Variants in MALRD1 observed in about 807,000 individuals in gnomAD.
MALRD1 encodes MAM and LDL receptor class A domain containing 1, also known as MAM and LDL-receptor class A domain-containing protein 1.
A neutral mutation model predicts 242.1 loss-of-function variants in MALRD1; 247 were observed. The ratio of observed to expected loss-of-function variants is 1.02; its 90% confidence interval spans 0.92 to 1.13. MALRD1 has a LOEUF of 1.13. MALRD1 is among the 50% of genes most tolerant of loss of function. MALRD1 has a pLI of 0.00. For missense variants in MALRD1, 2,989 were observed against 2,533.1 expected, an observed-to-expected ratio of 1.18 and a Z score of -3.86; for synonymous variants, 995 against 866.6, an observed-to-expected ratio of 1.15 and a Z score of -2.60.
At position 19,386,721 on chromosome 10, in the gene MALRD1, TACACACAC is replaced by T. The variant is rs10687440; in HGVS notation, c.4442-793_4442-786del. ...ATACACACACAAATACATATACATA[TACACACAC>T]ACACACACACACAATACTCTTTTAA... On this transcript the variant is annotated intron_variant, in intron 26 of 39. Coordinates refer to ENST00000454679, the MANE Select transcript of MALRD1 (RefSeq NM_001142308.3). Among the ~76,000 whole-genome samples the T allele has an allele frequency of 4.7e-5, 7 of 149,010 alleles. No homozygotes were observed. The South Asian group carries it at 1.3e-3, about 27-fold the overall frequency.
intron 28 of MALRD1, among the ~76,000 whole-genome samples, chr10:19,417,458 T>G (rs1589045569): frequency 6.6e-6 from 1 of 152,284 alleles, no homozygotes; most frequent in East Asian, 1.9e-4. Flanking sequence ...TTATGACATA[T>G]ACCAGGAGAG....
intron 14 of MALRD1, among the ~76,000 whole-genome samples, chr10:19,198,525 G>A (rs1331412527): frequency 6.6e-6 from 1 of 152,078 alleles, no homozygotes. Flanking sequence ...TGTTGTAGAG[G>A]GAGTCACTAT....
At chr10:19,694,677 G>T (rs899724370) in intron 38 of MALRD1, among the ~76,000 whole-genome samples, 2 of 152,166 alleles carry the variant, frequency 1.3e-5, no homozygotes, top group African/African-American at 4.8e-5. Context: ...ATTCCTGAAG[G>T]ATCTAGAACT....
chr10:19,734,216 C>A lies in MALRD1; in HGVS notation c.6450C>A (p.Thr2150=), dbSNP rs1335701247. 1 of 1,535,660 alleles carries A rather than the reference C, an allele frequency of 6.5e-7. No individual in the cohort carries two copies. Among genetic ancestry groups the A allele is most frequent in the African/African-American group, 1.4e-5 (1 of 73,008 alleles). The change falls in exon 40 of 40, where the codon ACC becomes ACA. Residue 2150 remains threonine, a synonymous_variant. Transcript: ENST00000454679. Reference sequence around the variant, plus strand: ...GCACAACATCAGGAAGCCTGGAGACCCTGTCACATCATCTCAAATAGCAGC... The same window carrying A: ...GCACAACATCAGGAAGCCTGGAGACACTGTCACATCATCTCAAATAGCAGC... ...LYGTTSGSLE[T]LSHHLK is the part of the protein sequence containing the mutation.
At chr10:19,271,906 G>A (rs1217538352) in intron 19 of MALRD1, among the ~76,000 whole-genome samples, 1 of 152,136 alleles carries the variant, frequency 6.6e-6, no homozygotes, top group East Asian at 1.9e-4. Flanking sequence ...CTCACCTTGA[G>A]AGATGAGCAA....
intron 38 of MALRD1, among the ~76,000 whole-genome samples, chr10:19,719,233 T>TACATAC (rs1441655459): frequency 1.1e-4 from 12 of 110,466 alleles, no homozygotes; most frequent in East Asian, 2.4e-4. Context: ...CATATATATA[T>TACATAC]ATATATATAT....
At chr10:19,722,249 A>T (rs1009673963) in intron 38 of MALRD1, 5 of 152,160 alleles carry the variant, frequency 3.3e-5, no homozygotes. Flanking sequence ...CAGAGACAAG[A>T]TGATTGCAAG....
At chr10:19,285,090 GT>G in intron 21 of MALRD1, among the ~76,000 whole-genome samples, 2 of 133,482 alleles carry the variant, frequency 1.5e-5, no homozygotes, top group Non-Finnish European at 3.1e-5. Flanking sequence ...CCCACTTTTT[GT>G]TGGGGTTGTT....
intron 36 of MALRD1, among the ~76,000 whole-genome samples, chr10:19,683,858 A>G (rs1842471061): frequency 1.3e-5 from 2 of 152,122 alleles, no homozygotes; most frequent in Non-Finnish European, 2.9e-5. Context: ...TTTGCTGCAC[A>G]TATCAACCCA....
chr10:19,546,260 G>A (rs1036820394), intron 32 of MALRD1, among the ~76,000 whole-genome samples: 2 of 152,180 alleles, frequency 1.3e-5, no homozygotes, highest in African/African-American at 4.8e-5. Flanking sequence ...TTCTGATTCA[G>A]CATCTCTGGT....
intron 19 of MALRD1, among the ~76,000 whole-genome samples, chr10:19,266,826 A>G (rs1839992682): frequency 1.3e-5 from 2 of 152,004 alleles, no homozygotes; most frequent in African/African-American, 4.8e-5. Context: ...GATGTTGTCT[A>G]TTACCTGAGG....
At chr10:19,432,704 A>T (rs1834187282) in intron 28 of MALRD1, among the ~76,000 whole-genome samples, 1 of 152,226 alleles carries the variant, frequency 6.6e-6, no homozygotes, top group African/African-American at 2.4e-5. Flanking sequence ...ATTCAACATG[A>T]ATAAGAATGG....
At position 19,686,881 on chromosome 10, in the gene MALRD1, G is replaced by A. The variant is rs765541840; in HGVS notation, c.6138-5401G>A. Among the ~76,000 whole-genome samples, 94 of 152,130 alleles carry A rather than the reference G, an allele frequency of 6.2e-4. No individual in the cohort carries two copies. In the Middle Eastern group the frequency reaches 0.024, roughly 39 times the overall value. On this transcript the variant is annotated intron_variant, in intron 36 of 39. Coordinates refer to ENST00000454679, the MANE Select transcript of MALRD1 (RefSeq NM_001142308.3). The stretch of plus-strand genomic sequence containing the variant: ...GTTCAAAAAATAAGGCTGAAATGCC[G>A]CAGTGTTACAGTCACACTTACTAGA...
intron 34 of MALRD1, among the ~76,000 whole-genome samples, chr10:19,605,419 C>A (rs549970182): frequency 4.0e-5 from 6 of 151,114 alleles, no homozygotes; most frequent in Admixed American, 4.0e-4. Context: ...CTGCCCACCT[C>A]GGCATTCCAA....
At chr10:19,521,103 C>G (rs148052124) in intron 31 of MALRD1, among the ~76,000 whole-genome samples, 14 of 152,172 alleles carry the variant, frequency 9.2e-5, no homozygotes, top group African/African-American at 3.1e-4. Flanking sequence ...CATTTGGAAT[C>G]TTGGAGGGCA....
chr10:19,293,470 A>T (rs2131930111), intron 21 of MALRD1, among the ~76,000 whole-genome samples: 1 of 152,310 alleles, frequency 6.6e-6, no homozygotes, highest in South Asian at 2.1e-4. Context: ...TATTATTTGC[A>T]TTTTCATATA....
At chr10:19,067,977 G>T (rs944180484) in intron 2 of MALRD1, among the ~76,000 whole-genome samples, 1 of 151,992 alleles carries the variant, frequency 6.6e-6, no homozygotes, top group East Asian at 1.9e-4. Context: ...TACCAAAAAG[G>T]GTCCAGCTTC....
chr10:19,097,127 T>G (rs1273259070), intron 4 of MALRD1, among the ~76,000 whole-genome samples: 1 of 152,210 alleles, frequency 6.6e-6, no homozygotes, highest in African/African-American at 2.4e-5. Context: ...ATACATAATT[T>G]TATTGACCCT....
At position 19,695,871 on chromosome 10, in the gene MALRD1, G is replaced by A. The variant is rs528321964; in HGVS notation, c.6314+3317G>A. ...AGCAGGCAAGAGAGCTTGTGTAGGG[G>A]AACTCCCCTTTATAAAACCATTGGA... On this transcript the variant is annotated intron_variant, in intron 38 of 39. Transcript: ENST00000454679. Among the ~76,000 whole-genome samples the A allele has an allele frequency of 3.9e-5, 6 of 152,068 alleles. No individual in the cohort carries two copies. In the South Asian group the frequency reaches 1.2e-3, roughly 32 times the overall value.
Sources: gnomAD v4.1 joint callset for allele counts (sites outside exome capture counted in the v4.1 genomes callset) on GRCh38, gnomAD v4.1.1 for gene constraint, MANE v1.5 for transcripts, NCBI Gene and HGNC (gene_info 2026-07-23, HGNC 2026-07-21) for gene names.